Variants in CNTNAP2 observed in about 807,000 individuals in gnomAD.
CNTNAP2 encodes the protein contactin-associated protein-like 2.
In CNTNAP2, 98 loss-of-function variants were observed where a neutral mutation model predicts 155.2. That is an observed-to-expected ratio of 0.63 (90% CI 0.54 to 0.75). CNTNAP2 has a LOEUF of 0.75. Ranked by LOEUF, CNTNAP2 falls within the 30% of genes least tolerant of loss-of-function variation. The pLI, the probability that CNTNAP2 is intolerant of heterozygous loss-of-function variation, is 0.00. For missense variants in CNTNAP2, 1,727 were observed against 1,688.1 expected, an observed-to-expected ratio of 1.02 and a Z score of -0.40; for synonymous variants, 651 against 631.2, an observed-to-expected ratio of 1.03 and a Z score of -0.47.
chr7:148,364,014 C>T (rs1010329602), intron 21 of CNTNAP2, among the ~76,000 whole-genome samples: 5 of 152,212 alleles, frequency 3.3e-5, no homozygotes, highest in Admixed American at 6.5e-5. Context: ...GCGCTGCGCT[C>T]GATTTCTCGC....
At chr7:147,737,783 T>G (rs1157539086) in intron 13 of CNTNAP2, among the ~76,000 whole-genome samples, 3 of 152,198 alleles carry the variant, frequency 2.0e-5, no homozygotes, top group African/African-American at 7.2e-5. Context: ...GTGCTAGCAA[T>G]GAGCGAGGCT....
At chr7:147,108,911 A>T (rs1159449389) in intron 5 of CNTNAP2, among the ~76,000 whole-genome samples, 2 of 152,184 alleles carry the variant, frequency 1.3e-5, no homozygotes, top group African/African-American at 4.8e-5. Context: ...AACATGGAAG[A>T]CCAAAAGCAC....
intron 13 of CNTNAP2, among the ~76,000 whole-genome samples, chr7:147,692,907 C>A (rs1200783653): frequency 2.0e-5 from 3 of 152,002 alleles, no homozygotes; most frequent in Non-Finnish European, 4.4e-5. Context: ...ATCTAAAAAG[C>A]CATTCTGACA....
At chr7:147,350,245 A>G (rs1795946470) in intron 9 of CNTNAP2, among the ~76,000 whole-genome samples, 1 of 152,010 alleles carries the variant, frequency 6.6e-6, no homozygotes, top group East Asian at 1.9e-4. Flanking sequence ...TCTTCAGTGC[A>G]TTTTCTAATT....
At chr7:148,281,997 G>C (rs1004266878) in intron 21 of CNTNAP2, among the ~76,000 whole-genome samples, 9 of 151,840 alleles carry the variant, frequency 5.9e-5, no homozygotes, top group Admixed American at 4.6e-4. Flanking sequence ...GCTAATTTTT[G>C]TATTTTTAGT....
chr7:148,367,764 G>A (rs1340876588), intron 21 of CNTNAP2, among the ~76,000 whole-genome samples: 1 of 152,110 alleles, frequency 6.6e-6, no homozygotes, highest in African/African-American at 2.4e-5. Context: ...GCTCTCATCT[G>A]TTCTGAAACA....
At chr7:147,788,773 G>A (rs1042313697) in intron 13 of CNTNAP2, among the ~76,000 whole-genome samples, 1 of 151,738 alleles carries the variant, frequency 6.6e-6, no homozygotes, top group Non-Finnish European at 1.5e-5. Flanking sequence ...GGATGCAGCG[G>A]TGACGCAGCC....
rs940446033 is a variant in CNTNAP2, at chr7:147,485,989, C to T, written c.1725C>T (p.Ser575=). The T allele has an allele frequency of 2.5e-6, 4 of 1,614,118 alleles. No individual in the cohort carries two copies. In the South Asian group the frequency reaches 4.4e-5, roughly 18 times the overall value. The part of the protein sequence containing the change: ...HGGKCSQTWD[S]FKCTCDETGY... ...GAAAGTGCTCGCAAACATGGGACAGCTTCAAATGCACTTGTGATGAGACAG... is the reference window on the plus strand; with the variant it reads ...GAAAGTGCTCGCAAACATGGGACAGTTTCAAATGCACTTGTGATGAGACAG... The change falls in exon 11 of 24, where the codon AGC becomes AGT. Residue 575 remains serine (S), a synonymous_variant. Coordinates refer to ENST00000361727, the MANE Select transcript of CNTNAP2 (RefSeq NM_014141.6).
At chr7:147,331,688 G>C (rs546120767) in intron 9 of CNTNAP2, among the ~76,000 whole-genome samples, 3 of 152,246 alleles carry the variant, frequency 2.0e-5, no homozygotes, top group African/African-American at 7.2e-5. Context: ...CACCAGAGGA[G>C]AGAGAGAGGG....
intron 22 of CNTNAP2, among the ~76,000 whole-genome samples, chr7:148,388,182 T>C (rs1202642561): frequency 6.6e-6 from 1 of 152,168 alleles, no homozygotes; most frequent in Non-Finnish European, 1.5e-5. Flanking sequence ...TTAGGGTACA[T>C]GTGCACATTG....
chr7:148,015,004 A>G (rs1244549394), intron 15 of CNTNAP2, among the ~76,000 whole-genome samples: 2 of 152,168 alleles, frequency 1.3e-5, no homozygotes, highest in African/African-American at 4.8e-5. Context: ...GTTATTATTT[A>G]TGATTGTTGA....
chr7:146,880,212 G>C (rs1038958702), intron 3 of CNTNAP2, among the ~76,000 whole-genome samples: 2 of 152,006 alleles, frequency 1.3e-5, no homozygotes, highest in African/African-American at 4.8e-5. Context: ...AATACCTATT[G>C]CTATGGTATT....
intron 1 of CNTNAP2, among the ~76,000 whole-genome samples, chr7:146,269,445 T>C (rs1800046013): frequency 6.6e-6 from 1 of 152,186 alleles, no homozygotes; most frequent in African/African-American, 2.4e-5. Context: ...TAAGGTGGCA[T>C]TGGTACCACC....
intron 16 of CNTNAP2, among the ~76,000 whole-genome samples, chr7:148,120,062 T>G (rs1396981451): frequency 2.0e-5 from 3 of 151,466 alleles, no homozygotes; most frequent in African/African-American, 7.3e-5. Context: ...TTAGAAAGAT[T>G]TTATGGCCAC....
intron 12 of CNTNAP2, among the ~76,000 whole-genome samples, chr7:147,570,863 C>T (rs1201293597): frequency 6.6e-6 from 1 of 152,214 alleles, no homozygotes; most frequent in Non-Finnish European, 1.5e-5. Flanking sequence ...AGGAACAGCA[C>T]TCCTCATTTT....
At chr7:146,904,843 T>C (rs1369011169) in intron 3 of CNTNAP2, among the ~76,000 whole-genome samples, 1 of 152,064 alleles carries the variant, frequency 6.6e-6, no homozygotes, top group Non-Finnish European at 1.5e-5. Context: ...GCTCACAAAG[T>C]TCAATGGTTT....
intron 14 of CNTNAP2, among the ~76,000 whole-genome samples, chr7:147,974,614 A>G (rs1426001255): frequency 6.6e-6 from 1 of 152,158 alleles, no homozygotes; most frequent in African/African-American, 2.4e-5. Context: ...AACAAGAGCA[A>G]AACTCCATCT....
At chr7:146,621,907 A>G (rs1799324422) in intron 1 of CNTNAP2, among the ~76,000 whole-genome samples, 1 of 152,070 alleles carries the variant, frequency 6.6e-6, no homozygotes, top group African/African-American at 2.4e-5. Flanking sequence ...CATTTATTCA[A>G]TCATTTACAT....
chr7:147,154,550 A>G (rs1801886826), intron 8 of CNTNAP2, among the ~76,000 whole-genome samples: 1 of 152,166 alleles, frequency 6.6e-6, no homozygotes, highest in Non-Finnish European at 1.5e-5. Flanking sequence ...ATCATCTTCC[A>G]TTTTATATAT....
Sources: allele counts gnomAD v4.1 joint callset (sites outside exome capture counted in the v4.1 genomes callset), GRCh38; gene constraint gnomAD v4.1.1; transcripts MANE v1.5; gene names NCBI Gene and HGNC (gene_info 2026-07-23, HGNC 2026-07-21).